Variants in FADS2 observed in about 807,000 individuals in gnomAD.
FADS2 encodes the protein acyl-CoA 6-desaturase.
A neutral mutation model predicts 61.2 loss-of-function variants in FADS2; 18 were observed. That is an observed-to-expected ratio of 0.29 (90% CI 0.20 to 0.44). The LOEUF is 0.44. FADS2 is among the 20% of genes least tolerant of loss of function. The pLI is 1.00. For missense variants in FADS2, 322 were observed against 572.7 expected (o/e 0.56, Z 4.47); for synonymous variants, 203 against 223.9 (o/e 0.91, Z 0.83).
intron 4 of FADS2, chr11:61,847,307 CG>C (rs2067268981): frequency 6.6e-6 from 1 of 152,132 alleles, no homozygotes. Flanking sequence ...TCATCATAGT[CG>C]ATTTTAGAGC....
chr11:61,838,993 C>G (rs1056071728), intron 2 of FADS2, among the ~76,000 whole-genome samples: 1 of 152,210 alleles, frequency 6.6e-6, no homozygotes, highest in African/African-American at 2.4e-5. Context: ...ACCAGAACCA[C>G]CCTTCATAGC....
intron 7 of FADS2, among the ~76,000 whole-genome samples, chr11:61,861,029 A>ACC (rs543411337): frequency 1.2e-4 from 18 of 151,084 alleles, no homozygotes; most frequent in Non-Finnish European, 2.1e-4. Flanking sequence ...AGTAAGTGAG[A>ACC]CCCCCCCATC....
At chr11:61,820,365 G>A (rs1028582573) in intron 1 of FADS2, among the ~76,000 whole-genome samples, 1 of 151,928 alleles carries the variant, frequency 6.6e-6, no homozygotes, top group East Asian at 1.9e-4. Context: ...AGTGAGTCAC[G>A]GATTATAGGT....
At chr11:61,847,123 G>A (rs2845572) in intron 4 of FADS2, 15,435 of 151,742 alleles carry the variant, frequency 0.1, 1,413 homozygotes, top group East Asian at 0.41. Flanking sequence ...TAGTAGAGGC[G>A]GGGTTTCACC....
rs2067212617 is a variant in FADS2, at chr11:61,840,846, G to T, written c.618+121G>T. On this transcript the variant is annotated intron_variant, in intron 4 of 11. Transcript: ENST00000278840. ...GTGACAAGGCAGGTGTGCCTATGCT[G>T]AGGGCCATGGTGACTCTCCATTCTG... 5 of 749,952 alleles carry T rather than the reference G, an allele frequency of 6.7e-6. No individual in the cohort carries two copies. In the Admixed American group the frequency reaches 1.1e-4, roughly 17 times the overall value. The allele number at this position is 749,952 out of a possible 1,614,324, so 46.5% of individuals were successfully genotyped here.
chr11:61,860,393 G>A (rs1259767931), intron 7 of FADS2, among the ~76,000 whole-genome samples: 1 of 152,200 alleles, frequency 6.6e-6, no homozygotes. Context: ...CCCTGTTCCC[G>A]GGGCCACGTC....
intron 1 of FADS2, among the ~76,000 whole-genome samples, chr11:61,834,365 C>T (rs919151346): frequency 2.6e-5 from 4 of 152,218 alleles, no homozygotes; most frequent in Non-Finnish European, 5.9e-5. Context: ...CCACCTGGAG[C>T]CCAGGACTTT....
rs1449319296 is a variant in FADS2 at position 61,816,724 on chromosome 11, G to A, written c.141+298G>A. On this transcript the variant is annotated intron_variant, in intron 1 of 11. Transcript: ENST00000257261. This position sits in a 1 kb window ranked among gnomAD's most constrained non-coding sequence, Gnocchi z 7.0. ...GAAGTAGCGCGGGGTAGGTCCCTGAGCCGCGGTCTCGGCGGCCACCGGGTC... is the reference window on the plus strand; with the variant it reads ...GAAGTAGCGCGGGGTAGGTCCCTGAACCGCGGTCTCGGCGGCCACCGGGTC... 1.9e-6 allele frequency: 3 copies of A among 1,565,616 alleles called. No individual in the cohort carries two copies. Among genetic ancestry groups the A allele is most frequent in the Non-Finnish European group, 2.6e-6 (3 of 1,156,026 alleles).
chr11:61,828,648 A>AG lies in FADS2; in HGVS notation c.207+53dup. ...ACCCTTCTCTGCTGCAGGCGGAGTC[A>AG]GGATCCCTGGCTCCCCGTGGGCCAA... On this transcript the variant is annotated intron_variant, in intron 1 of 11. Transcript: ENST00000278840. The surrounding 1 kb of genome is among the most constrained non-coding windows in gnomAD (Gnocchi z 6.4). 2.0e-6 allele frequency: 3 copies of AG among 1,534,432 alleles called. No homozygotes were observed. The highest frequency in any genetic ancestry group is 2.7e-6 in the Non-Finnish European group (3 of 1,124,000).
chr11:61,831,385 C>T (rs190330490), intron 1 of FADS2, among the ~76,000 whole-genome samples: 3 of 152,288 alleles, frequency 2.0e-5, no homozygotes, highest in African/African-American at 7.2e-5. Context: ...CTGAGCCCAT[C>T]ACAGTGCAGT....
chr11:61,852,220 C>T (rs924108331), intron 5 of FADS2, among the ~76,000 whole-genome samples: 1 of 152,102 alleles, frequency 6.6e-6, no homozygotes, highest in African/African-American at 2.4e-5. Flanking sequence ...ATTGGAAGCT[C>T]GTAGTGGGGT....
intron 5 of FADS2, among the ~76,000 whole-genome samples, chr11:61,853,286 C>CCTT (rs1205624356): frequency 0.036 from 1,989 of 55,596 alleles, 44 homozygotes; most frequent in East Asian, 0.081. Context: ...TTCCCTCCCT[C>CCTT]CCTCCCTTCC....
chr11:61,816,589 C>A lies in FADS2; in HGVS notation c.141+163C>A. 1 of 1,609,654 alleles carries A rather than the reference C, an allele frequency of 6.2e-7. No individual in the cohort carries two copies. Among genetic ancestry groups the A allele is most frequent in the Non-Finnish European group, 8.5e-7 (1 of 1,178,742 alleles). ...CTGCCCGGCGTAGTGGCTGATGACC[C>A]GGGAGCCCCCTGGATGCCGGCGGGT... On this transcript the variant is annotated intron_variant, in intron 1 of 11. Transcript: ENST00000257261. The surrounding 1 kb of genome is among the most constrained non-coding windows in gnomAD (Gnocchi z 7.0).
At position 61,839,646 on chromosome 11, in the gene FADS2, G is replaced by A. The variant is rs553899616; in HGVS notation, c.319-688G>A. On this transcript the variant is annotated intron_variant, in intron 2 of 11. Transcript: ENST00000278840. Reference sequence around the variant, plus strand: ...TGGTCAACCATTTTGGTCATTTGACGTGTACAGTTCAGTGGCATCAAATAA... The same window carrying A: ...TGGTCAACCATTTTGGTCATTTGACATGTACAGTTCAGTGGCATCAAATAA... Among the ~76,000 whole-genome samples the A allele has an allele frequency of 1.8e-4, 28 of 152,262 alleles. No homozygotes were observed. The South Asian group carries it at 3.9e-3, about 21-fold the overall frequency.
chr11:61,853,223 T>C, intron 5 of FADS2, among the ~76,000 whole-genome samples: 1 of 147,696 alleles, frequency 6.8e-6, no homozygotes, highest in South Asian at 2.1e-4. Context: ...AGTCACTCTT[T>C]CTTTCTTCTC....
chr11:61,863,665 G>A, intron 9 of FADS2, 42 bp from the exon 10 acceptor site: 1 of 1,562,972 alleles, frequency 6.4e-7, no homozygotes, highest in Non-Finnish European at 8.8e-7. Context: ...CGGGCCCTTG[G>A]GCCTTCCTTT....
At chr11:61,852,140 C>G (rs1019428219) in intron 5 of FADS2, among the ~76,000 whole-genome samples, 3 of 152,118 alleles carry the variant, frequency 2.0e-5, no homozygotes, top group Non-Finnish European at 4.4e-5. Context: ...GGCTGTCTGT[C>G]CTCTCCCAGG....
chr11:61,845,780 G>A (rs2067252529), intron 4 of FADS2, among the ~76,000 whole-genome samples: 2 of 125,098 alleles, frequency 1.6e-5, no homozygotes, highest in African/African-American at 6.6e-5. Flanking sequence ...GCAAAACTCT[G>A]TCTCAAAAAA....
At chr11:61,857,411 A>G in intron 6 of FADS2, 43 bp from the exon 7 acceptor site, 1 of 1,564,864 alleles carries the variant, frequency 6.4e-7, no homozygotes, top group Non-Finnish European at 8.8e-7. Context: ...CGGCACAGGC[A>G]GGGTGGAATG....
Sources: allele counts gnomAD v4.1 joint callset (sites outside exome capture counted in the v4.1 genomes callset), GRCh38; gene constraint gnomAD v4.1.1; non-coding constraint Gnocchi (gnomAD v3.1); transcripts MANE v1.5; gene names NCBI Gene and HGNC (gene_info 2026-07-23, HGNC 2026-07-21).